KIF1A: variants seen among roughly 807,000 people sequenced by gnomAD.
KIF1A encodes the protein kinesin-like protein KIF1A.
In KIF1A, 46 loss-of-function variants were observed where a neutral mutation model predicts 227.3. The observed-to-expected ratio is 0.20, with a 90% CI of 0.16 to 0.26. The LOEUF (loss-of-function observed/expected upper bound fraction) is 0.26. Among genes scored for constraint, KIF1A ranks in the 10% least tolerant of loss-of-function variants. The probability of loss-of-function intolerance (pLI) is 1.00; values close to 1 mark genes in which losing one functional copy is unlikely to be tolerated. For synonymous variants in KIF1A, 1,022 were observed against 1,012.8 expected (o/e 1.01, Z -0.17); for missense variants, 1,683 against 2,485.9 (o/e 0.68, Z 6.87).
intron 7 of KIF1A, 63 bp from the exon 8 acceptor site, chr2:240,783,879 C>T: frequency 1.5e-6 from 2 of 1,310,918 alleles, no homozygotes; most frequent in Non-Finnish European, 2.2e-6. Context: ...ATCCCAGGAC[C>T]CCTGGGCAAG....
At position 240,803,981 on chromosome 2, in the gene KIF1A, G is replaced by A. The variant is rs1207390781; in HGVS notation, c.-60-6169C>T. ...TTGCTCATTAAAATTAATATTTCCT[G>A]CCCGGGTCAGGCGTGGTAGCTCATG... On this transcript the variant is annotated intron_variant, in intron 1 of 48. Coordinates refer to ENST00000498729, the MANE Select transcript of KIF1A (RefSeq NM_001244008.2). 7.2e-5 allele frequency among the ~76,000 whole-genome samples: 11 copies of A among 152,262 alleles called. No homozygotes were observed. In the South Asian group the frequency reaches 1.9e-3, roughly 26 times the overall value.
At chr2:240,786,771 C>CCCTGAGTGAGGGGGTGGGGGCCAGT (rs1397262208) in intron 5 of KIF1A, among the ~76,000 whole-genome samples, 69 of 100,676 alleles carry the variant, frequency 6.9e-4, no homozygotes, top group Non-Finnish European at 1.1e-3. Flanking sequence ...TAGGGGCCAC[C>CCCTGAGTGAGGGGGTGGGGGCCAGT]ATCAGGACCC....
chr2:240,779,058 C>T (rs1042634906), intron 10 of KIF1A, among the ~76,000 whole-genome samples: 2 of 151,760 alleles, frequency 1.3e-5, no homozygotes, highest in Non-Finnish European at 2.9e-5. Context: ...TCACTCAGTT[C>T]CACACTCAGT....
At chr2:240,768,653 G>A (rs2051517624) in intron 17 of KIF1A, among the ~76,000 whole-genome samples, 1 of 152,180 alleles carries the variant, frequency 6.6e-6, no homozygotes, top group African/African-American at 2.4e-5. Flanking sequence ...GGGGTTCTGT[G>A]CCATGTGAGG....
At position 240,750,538 on chromosome 2, in the gene KIF1A, C is replaced by A; in HGVS notation, c.2868G>T (p.Val956=). The A allele has an allele frequency of 6.2e-7, 1 of 1,613,366 alleles. No individual in the cohort carries two copies. The highest frequency in any genetic ancestry group is 1.1e-5 in the South Asian group (1 of 91,048). ...PLFSLVGRAF[V]YLSNLLYPVP... The stretch of plus-strand genomic sequence containing the variant: ...CGGGGTACAGCAGGTTGCTCAGGTA[C>A]ACGAAGGCCCTGGGGAGAAGCAGAG... The change falls in exon 28 of 49, where the codon GTG becomes GTT. Residue 956 remains valine (V), a synonymous_variant. Transcript: ENST00000498729.
At chr2:240,809,720 G>A (rs1228023123) in intron 1 of KIF1A, among the ~76,000 whole-genome samples, 3 of 148,758 alleles carry the variant, frequency 2.0e-5, no homozygotes, top group Non-Finnish European at 3.0e-5. Flanking sequence ...CCAGGCTGGA[G>A]TGCGGTGGTG....
Position 240,750,030 on chromosome 2 carries a change from TG to T in KIF1A, c.2977+398del, listed in dbSNP as rs2049031618. ...AGAGAGCACTTGCTCTGCAGCAGGCTGGGGGAGGGATCCAGGTGGTCTTGGG... is the reference window on the plus strand; with the variant it reads ...AGAGAGCACTTGCTCTGCAGCAGGCTGGGGAGGGATCCAGGTGGTCTTGGG... On this transcript the variant is annotated intron_variant, in intron 28 of 48. Transcript: ENST00000498729. 2.0e-5 allele frequency among the ~76,000 whole-genome samples: 3 copies of T among 152,180 alleles called. No homozygotes were observed. In the South Asian group the frequency reaches 6.2e-4, roughly 32 times the overall value.
At chr2:240,747,976 C>T (rs1346514313) in intron 28 of KIF1A, among the ~76,000 whole-genome samples, 3 of 152,262 alleles carry the variant, frequency 2.0e-5, no homozygotes, top group African/African-American at 7.2e-5. Context: ...GATGAGACTT[C>T]TGACACCACC....
Position 240,817,722 on chromosome 2 carries a change from G to A in KIF1A, c.-61+2400C>T, listed in dbSNP as rs138476957. Among the ~76,000 whole-genome samples the A allele has an allele frequency of 6.4e-4, 97 of 152,220 alleles. No individual in the cohort carries two copies. The East Asian group carries it at 0.017, about 27-fold the overall frequency. On this transcript the variant is annotated intron_variant, in intron 1 of 48. Transcript: ENST00000498729. ...CCAGTTCACCTGCTTTGGCCGGCCC[G>A]GCTGAGTGGCCTGAAGAGATGCCCT...
At chr2:240,773,736 G>A (rs2052334540) in intron 12 of KIF1A, among the ~76,000 whole-genome samples, 1 of 152,180 alleles carries the variant, frequency 6.6e-6, no homozygotes, top group Admixed American at 6.5e-5. Context: ...GTGCACAGTC[G>A]AAAGAAGGGA....
chr2:240,807,130 G>A (rs6760022), intron 1 of KIF1A, among the ~76,000 whole-genome samples: 14,169 of 115,928 alleles, frequency 0.12, 981 homozygotes, highest in Middle Eastern at 0.16. Flanking sequence ...GTGTGTGTGT[G>A]TATATATATA....
intron 4 of KIF1A, 66 bp downstream of exon 4, chr2:240,787,985 G>A: frequency 6.9e-7 from 1 of 1,457,284 alleles, no homozygotes; most frequent in Non-Finnish European, 9.3e-7. Context: ...CTGGCCCGGA[G>A]CTCTCAGCCT....
At chr2:240,812,287 A>C (rs1479632366) in intron 1 of KIF1A, among the ~76,000 whole-genome samples, 1 of 152,176 alleles carries the variant, frequency 6.6e-6, no homozygotes, top group African/African-American at 2.4e-5. Flanking sequence ...GCAGATGACA[A>C]AGCGTGCCTC....
At chr2:240,785,409 C>T (rs1459312420) in intron 6 of KIF1A, among the ~76,000 whole-genome samples, 1 of 152,244 alleles carries the variant, frequency 6.6e-6, no homozygotes, top group Non-Finnish European at 1.5e-5. Flanking sequence ...AGGAGCCCTC[C>T]AGGGCCATGA....
rs756992364 is a variant in KIF1A at position 240,757,343 on chromosome 2, G to A, written c.2834C>T (p.Pro945Leu). The change falls in exon 27 of 49, where the codon CCC (proline) becomes CTC (leucine). Residue 945 changes from proline to leucine, a missense_variant. Around this residue, in one of 12 missense-constraint regions of KIF1A, gnomAD observed 759 missense variants for 1,020.2 expected, o/e 0.74. Coordinates refer to ENST00000498729, the MANE Select transcript of KIF1A (RefSeq NM_001244008.2). The surrounding 1 kb of genome is among the most constrained non-coding windows in gnomAD (Gnocchi z 6.2). ...CDGRDPFYDR[P>L]PLFSLVGRAF... ...CCTTCCTACTAAACTGAACAGGGGG[G>A]GCCGGTCGTAAAACGGGTCCCGGCC... 2.5e-5 allele frequency: 38 copies of A among 1,550,532 alleles called. No individual in the cohort carries two copies. Among genetic ancestry groups the A allele is most frequent in the South Asian group, 2.0e-4 (17 of 84,058 alleles).
At position 240,723,396 on chromosome 2, in the gene KIF1A, C is replaced by T; in HGVS notation, c.4464+17G>A. On this transcript the variant is annotated intron_variant, in intron 42 of 48. Transcript: ENST00000498729. ...TGGACACCACCGTGCGGGCCTCATC[C>T]TCTGAGGCTGCCTCACCTCCTGCAG... The T allele has an allele frequency of 6.5e-7, 1 of 1,541,088 alleles. No individual in the cohort carries two copies. Among genetic ancestry groups the T allele is most frequent in the Non-Finnish European group, 8.8e-7 (1 of 1,140,444 alleles).
chr2:240,785,889 C>T (rs565456826), intron 6 of KIF1A, among the ~76,000 whole-genome samples: 5 of 152,266 alleles, frequency 3.3e-5, no homozygotes, highest in Non-Finnish European at 7.4e-5. Context: ...ACCAGGGCAT[C>T]CCAGGCAGGA....
Position 240,769,184 on chromosome 2 carries a change from A to T in KIF1A, c.1446T>A (p.Gly482=), listed in dbSNP as rs752362167. The change falls in exon 17 of 49, where the codon GGT becomes GGA. Residue 482 remains glycine, a synonymous_variant. Transcript: ENST00000498729. The part of the protein sequence containing the change: ...MEREALLAEM[G]VAMREDGGTL... ...TGCCGCCATCCTCCCTCATGGCCAC[A>T]CCCATCTCGGCCAGCAGGGCTTCCC... 1 of 1,610,640 alleles carries T rather than the reference A, an allele frequency of 6.2e-7. No individual in the cohort carries two copies. The highest frequency in any genetic ancestry group is 1.7e-5 in the Admixed American group (1 of 59,684).
At position 240,725,864 on chromosome 2, in the gene KIF1A, G is replaced by C. The variant is rs2045947762; in HGVS notation, c.4123-460C>G. The C allele has an allele frequency of 1.3e-5, 2 of 158,542 alleles. No homozygotes were observed. The highest frequency in any genetic ancestry group is 1.3e-4 in the Admixed American group (2 of 15,910). The allele number at this position is 158,542 out of a possible 1,614,324, so 9.8% of individuals were successfully genotyped here. On this transcript the variant is annotated intron_variant, in intron 39 of 48. Transcript: ENST00000498729. The surrounding 1 kb of genome is among the most constrained non-coding windows in gnomAD (Gnocchi z 5.8). ...GAACAGCTGGCCCCTTTGTCTTCCT[G>C]AAGTGGGGGCAGCTGCTGTGCATGG...
Sources: allele counts gnomAD v4.1 joint callset (sites outside exome capture counted in the v4.1 genomes callset), GRCh38; gene constraint gnomAD v4.1.1; regional missense constraint gnomAD v4.1.1; non-coding constraint Gnocchi (gnomAD v3.1); transcripts MANE v1.5; gene names NCBI Gene and HGNC (gene_info 2026-07-23, HGNC 2026-07-21).